CLSTN2: variants seen among roughly 807,000 people sequenced by gnomAD.
CLSTN2 encodes the protein calsyntenin-2.
A neutral mutation model predicts 101.2 loss-of-function variants in CLSTN2; 48 were observed. The observed-to-expected ratio is 0.47, with a 90% CI of 0.38 to 0.60. CLSTN2 has a LOEUF of 0.60. Among genes scored for constraint, CLSTN2 ranks in the 20% least tolerant of loss-of-function variants. CLSTN2 has a pLI of 0.00. For missense variants in CLSTN2, 1,160 were observed against 1,238.2 expected, an observed-to-expected ratio of 0.94 and a Z score of 0.95; for synonymous variants, 481 against 463.6, an observed-to-expected ratio of 1.04 and a Z score of -0.48.
chr3:140,486,757 T>C (rs1387887308), intron 8 of CLSTN2, among the ~76,000 whole-genome samples: 1 of 152,110 alleles, frequency 6.6e-6, no homozygotes, highest in Non-Finnish European at 1.5e-5. Flanking sequence ...TAGAGAATGC[T>C]GAAGGAAAAT....
intron 1 of CLSTN2, among the ~76,000 whole-genome samples, chr3:139,956,627 A>G (rs1935406412): frequency 6.6e-6 from 1 of 152,192 alleles, no homozygotes; most frequent in Non-Finnish European, 1.5e-5. Context: ...GTGAAAAGCA[A>G]TAACCATGAA....
At chr3:139,965,685 C>A (rs996618369) in intron 1 of CLSTN2, among the ~76,000 whole-genome samples, 1 of 152,204 alleles carries the variant, frequency 6.6e-6, no homozygotes, top group Non-Finnish European at 1.5e-5. Context: ...TTTTCAGAAC[C>A]AGGTAAGATG....
intron 1 of CLSTN2, among the ~76,000 whole-genome samples, chr3:140,078,087 T>C (rs1006556442): frequency 9.2e-5 from 14 of 152,174 alleles, no homozygotes; most frequent in African/African-American, 3.4e-4. Flanking sequence ...CCATGTGTGC[T>C]GGTGGCATTT....
intron 1 of CLSTN2, among the ~76,000 whole-genome samples, chr3:140,037,138 AATT>A (rs2007670107): frequency 6.6e-6 from 1 of 152,134 alleles, no homozygotes; most frequent in African/African-American, 2.4e-5. Flanking sequence ...AAACCTTCTT[AATT>A]ATTGTTTTCA....
At chr3:140,179,619 T>G (rs1216450018) in intron 2 of CLSTN2, among the ~76,000 whole-genome samples, 2 of 35,064 alleles carry the variant, frequency 5.7e-5, no homozygotes, top group African/African-American at 2.3e-4. Flanking sequence ...AGACCCTATC[T>G]CAAAAAAAAA....
chr3:140,267,821 A>G (rs1174323521), intron 2 of CLSTN2, among the ~76,000 whole-genome samples: 2 of 152,176 alleles, frequency 1.3e-5, no homozygotes, highest in African/African-American at 4.8e-5. Flanking sequence ...GAACTGTGGT[A>G]TGGCTCAGAA....
At chr3:140,055,388 A>G (rs2008078294) in intron 1 of CLSTN2, among the ~76,000 whole-genome samples, 1 of 152,068 alleles carries the variant, frequency 6.6e-6, no homozygotes, top group Non-Finnish European at 1.5e-5. Context: ...CTTTGGAGGT[A>G]GAAAAGAACA....
At chr3:140,419,319 C>T (rs530532062) in intron 4 of CLSTN2, among the ~76,000 whole-genome samples, 2 of 148,386 alleles carry the variant, frequency 1.3e-5, no homozygotes, top group East Asian at 4.1e-4. Context: ...CCCATCTCTA[C>T]AAAAAACACA....
intron 5 of CLSTN2, among the ~76,000 whole-genome samples, chr3:140,443,660 C>A (rs1426710594): frequency 6.6e-6 from 1 of 152,150 alleles, no homozygotes; most frequent in Non-Finnish European, 1.5e-5. Flanking sequence ...CTCTAGGCCC[C>A]TTATAAACTG....
chr3:140,532,792 G>C (rs991736708), intron 9 of CLSTN2, among the ~76,000 whole-genome samples: 3 of 152,088 alleles, frequency 2.0e-5, no homozygotes, highest in East Asian at 1.9e-4. Context: ...GCAATGCAGA[G>C]AAAAAAACAG....
intron 1 of CLSTN2, among the ~76,000 whole-genome samples, chr3:140,126,974 CA>C (rs112892216): frequency 4.7e-5 from 7 of 147,832 alleles, no homozygotes; most frequent in East Asian, 4.0e-4. Context: ...ATATTGACTT[CA>C]AAAAAAAAGC....
intron 5 of CLSTN2, among the ~76,000 whole-genome samples, chr3:140,446,082 A>G (rs2108007205): frequency 6.6e-6 from 1 of 152,296 alleles, no homozygotes; most frequent in East Asian, 1.9e-4. Flanking sequence ...TTTTGTACCT[A>G]GGACACTACA....
At chr3:140,248,228 A>T (rs1024418220) in intron 2 of CLSTN2, among the ~76,000 whole-genome samples, 5 of 152,204 alleles carry the variant, frequency 3.3e-5, no homozygotes, top group Non-Finnish European at 7.3e-5. Context: ...ATAATAGGAT[A>T]TAGGAAAAGC....
At chr3:140,214,339 A>G (rs900613097) in intron 2 of CLSTN2, among the ~76,000 whole-genome samples, 2 of 152,040 alleles carry the variant, frequency 1.3e-5, no homozygotes, top group Non-Finnish European at 2.9e-5. Flanking sequence ...CTGTAGTCCC[A>G]GCTACTCGGG....
At chr3:140,290,795 C>T (rs73867123) in intron 2 of CLSTN2, among the ~76,000 whole-genome samples, 1 of 152,182 alleles carries the variant, frequency 6.6e-6, no homozygotes, top group South Asian at 2.1e-4. Flanking sequence ...GATGACCCAA[C>T]GCCATGCTTT....
At chr3:140,114,315 A>G (rs554447904) in intron 1 of CLSTN2, among the ~76,000 whole-genome samples, 1 of 152,144 alleles carries the variant, frequency 6.6e-6, no homozygotes, top group East Asian at 1.9e-4. Flanking sequence ...TGCTCTCTGT[A>G]TTCCTGTCCT....
At chr3:140,412,871 T>C (rs1465267742) in intron 4 of CLSTN2, among the ~76,000 whole-genome samples, 1 of 152,136 alleles carries the variant, frequency 6.6e-6, no homozygotes, top group African/African-American at 2.4e-5. Flanking sequence ...TCAAAACTTT[T>C]CGGATGTAGG....
chr3:140,290,271 C>A (rs566994742), intron 2 of CLSTN2, among the ~76,000 whole-genome samples: 135 of 152,082 alleles, frequency 8.9e-4, no homozygotes, highest in Non-Finnish European at 1.5e-3. Flanking sequence ...CAGCACTGAG[C>A]CCTGGGGTGA....
chr3:140,100,724 A>C lies in CLSTN2; in HGVS notation c.110-75227A>C, dbSNP rs369442835. Among the ~76,000 whole-genome samples, 4 of 152,346 alleles carry C rather than the reference A, an allele frequency of 2.6e-5. No homozygotes were observed. In the East Asian group the frequency reaches 5.8e-4, roughly 22 times the overall value. On this transcript the variant is annotated intron_variant, in intron 1 of 16. Coordinates refer to ENST00000458420, the MANE Select transcript of CLSTN2 (RefSeq NM_022131.3). ...GGAGAATAATTTCACGCATGTGTAC[A>C]GCAGAGGTGGGCTGTGAGGCTCACG...
Sources: allele counts gnomAD v4.1 joint callset (sites outside exome capture counted in the v4.1 genomes callset), GRCh38; gene constraint gnomAD v4.1.1; transcripts MANE v1.5; gene names NCBI Gene and HGNC (gene_info 2026-07-23, HGNC 2026-07-21).